Variants in PDE1C observed in about 807,000 individuals in gnomAD.
PDE1C encodes the protein phosphodiesterase 1C.
Under a neutral mutation model 93.1 loss-of-function variants are expected in PDE1C, and 62 were observed. That is an observed-to-expected ratio of 0.67 (90% CI 0.54 to 0.82). The LOEUF (loss-of-function observed/expected upper bound fraction) is 0.82, where lower values mean the gene tolerates loss of function less well. PDE1C is among the 40% of genes least tolerant of loss of function. The pLI is 0.00. For synonymous variants in PDE1C, 325 were observed against 310.1 expected (o/e 1.05, Z -0.50); for missense variants, 742 against 884.6 (o/e 0.84, Z 2.04).
chr7:31,691,086 A>G, the PDE1C span, among the ~76,000 whole-genome samples: 4 of 152,162 alleles, frequency 2.6e-5, no homozygotes, highest in African/African-American at 7.2e-5. Context: ...GGCAATCTCT[A>G]TACAAACACT....
chr7:32,067,482 T>G (rs1360482110), intron 1 of PDE1C, among the ~76,000 whole-genome samples: 4 of 152,168 alleles, frequency 2.6e-5, no homozygotes, highest in African/African-American at 7.2e-5. Flanking sequence ...TTGGAATGTA[T>G]AGGGGACACC....
intron 1 of PDE1C, among the ~76,000 whole-genome samples, chr7:32,267,257 C>T (rs1470465620): frequency 1.3e-5 from 2 of 152,102 alleles, no homozygotes; most frequent in Non-Finnish European, 1.5e-5. Flanking sequence ...GGGATTTTAA[C>T]CTAAGGGCAG....
chr7:32,185,297 C>A (rs1803779017), intron 2 of PDE1C, among the ~76,000 whole-genome samples: 1 of 149,358 alleles, frequency 6.7e-6, no homozygotes, highest in African/African-American at 2.5e-5. Context: ...ACTTGCATTA[C>A]TCAGATAGGT....
At chr7:32,219,577 T>G in intron 1 of PDE1C, among the ~76,000 whole-genome samples, 1 of 152,252 alleles carries the variant, frequency 6.6e-6, no homozygotes, top group South Asian at 2.1e-4. Flanking sequence ...TCCAAAGCAC[T>G]GCCGCCTGAC....
chr7:32,103,449 A>G (rs956024772), intron 3 of PDE1C, among the ~76,000 whole-genome samples: 1 of 152,128 alleles, frequency 6.6e-6, no homozygotes, highest in East Asian at 1.9e-4. Context: ...AGCCAGACGG[A>G]TGCCTCTCCC....
Position 32,034,432 on chromosome 7 carries a change from A to G in PDE1C, c.128+17122T>C, listed in dbSNP as rs922402334. On this transcript the variant is annotated intron_variant, in intron 2 of 17. Transcript: ENST00000396191. ...ATTTGTGCCTCGGACAAAGATGCCA[A>G]TCTGGTGGATGGATTCCCCTTAGCA... 3.9e-5 allele frequency among the ~76,000 whole-genome samples: 6 copies of G among 152,146 alleles called. No homozygotes were observed. In the East Asian group the frequency reaches 5.8e-4, roughly 15 times the overall value.
chr7:32,374,251 GAAAGGAAGA>G (rs1405603145), intron 1 of PDE1C, among the ~76,000 whole-genome samples: 2 of 93,280 alleles, frequency 2.1e-5, no homozygotes, highest in Admixed American at 2.4e-4. Context: ...GGAAGGAAAG[GAAAGGAAGA>G]AAGAAAGAAA....
At chr7:31,622,255 C>T in the PDE1C span, among the ~76,000 whole-genome samples, 2 of 149,268 alleles carry the variant, frequency 1.3e-5, no homozygotes, top group Non-Finnish European at 3.0e-5. Flanking sequence ...CCAAGCGGAC[C>T]TAATAGGCAT....
chr7:31,697,147 G>T, the PDE1C span: 9 of 1,610,896 alleles, frequency 5.6e-6, no homozygotes, highest in South Asian at 9.9e-5. Flanking sequence ...GCATTTGCAG[G>T]GGGTGATGGG....
the PDE1C span, among the ~76,000 whole-genome samples, chr7:31,663,352 G>A: frequency 6.6e-6 from 1 of 152,166 alleles, no homozygotes; most frequent in Admixed American, 6.5e-5. Context: ...TTCGTTACCA[G>A]TACATGTCAG....
intron 1 of PDE1C, among the ~76,000 whole-genome samples, chr7:32,308,353 A>G (rs1813071657): frequency 6.6e-6 from 1 of 152,240 alleles, no homozygotes; most frequent in Non-Finnish European, 1.5e-5. Context: ...GCAGACTTAA[A>G]TGTCCCTGTC....
At chr7:31,844,518 T>C (rs2128785318) in intron 9 of PDE1C, among the ~76,000 whole-genome samples, 1 of 152,074 alleles carries the variant, frequency 6.6e-6, no homozygotes, top group Non-Finnish European at 1.5e-5. Flanking sequence ...ATGAATAGTC[T>C]ACTGTGATTC....
chr7:31,642,024 A>T, the PDE1C span, among the ~76,000 whole-genome samples: 21 of 152,202 alleles, frequency 1.4e-4, no homozygotes, highest in Non-Finnish European at 2.5e-4. Flanking sequence ...CGAGAAAAAA[A>T]TGTCCTTGGA....
At chr7:32,069,477 C>A (rs1414618054) in intron 1 of PDE1C, among the ~76,000 whole-genome samples, 2 of 152,060 alleles carry the variant, frequency 1.3e-5, no homozygotes, top group Non-Finnish European at 2.9e-5. Flanking sequence ...GGGACCTGCC[C>A]AGTGACTGAG....
At chr7:31,992,966 T>C (rs55959474) in intron 2 of PDE1C, among the ~76,000 whole-genome samples, 10,624 of 152,276 alleles carry the variant, frequency 0.07, 906 homozygotes, top group African/African-American at 0.2. Flanking sequence ...CTAATCCTCA[T>C]ATCAAACGAT....
At chr7:32,264,584 T>C (rs889624024) in intron 1 of PDE1C, among the ~76,000 whole-genome samples, 3 of 152,222 alleles carry the variant, frequency 2.0e-5, no homozygotes, top group Non-Finnish European at 4.4e-5. Flanking sequence ...TCCACTGGGA[T>C]GGGAGACATC....
chr7:31,917,705 G>C (rs948935210), intron 2 of PDE1C, among the ~76,000 whole-genome samples: 2 of 152,032 alleles, frequency 1.3e-5, no homozygotes, highest in African/African-American at 4.8e-5. Flanking sequence ...TGCATTAAGA[G>C]CCTGGCCAGC....
intron 1 of PDE1C, among the ~76,000 whole-genome samples, chr7:32,229,474 C>T (rs1425409778): frequency 6.6e-6 from 1 of 152,194 alleles, no homozygotes; most frequent in African/African-American, 2.4e-5. Flanking sequence ...TGGGAGTACC[C>T]TGTTGGTCAG....
intron 1 of PDE1C, among the ~76,000 whole-genome samples, chr7:32,417,354 T>C (rs1785295911): frequency 6.6e-6 from 1 of 151,982 alleles, no homozygotes; most frequent in South Asian, 2.1e-4. Context: ...ATCCCACTAC[T>C]GCTAATAAAA....
Sources: gnomAD v4.1 joint callset for allele counts (sites outside exome capture counted in the v4.1 genomes callset) on GRCh38, gnomAD v4.1.1 for gene constraint, MANE v1.5 for transcripts, NCBI Gene and HGNC (gene_info 2026-07-23, HGNC 2026-07-21) for gene names.